Variants in BTLA observed in about 807,000 individuals in gnomAD.
BTLA encodes B and T lymphocyte associated.
In BTLA, 11 loss-of-function variants were observed where a neutral mutation model predicts 25.0. That is an observed-to-expected ratio of 0.44 (90% CI 0.28 to 0.73). The LOEUF is 0.73. Among genes scored for constraint, BTLA ranks in the 30% least tolerant of loss-of-function variants. The pLI is 0.15. For missense variants in BTLA, 282 were observed against 332.8 expected (o/e 0.85, Z 1.19); for synonymous variants, 104 against 119.8 (o/e 0.87, Z 0.86).
At chr3:112,493,645 G>C (rs780408885) in intron 1 of BTLA, among the ~76,000 whole-genome samples, 7 of 152,144 alleles carry the variant, frequency 4.6e-5, no homozygotes, top group Non-Finnish European at 8.8e-5. Context: ...GGTCTTACAG[G>C]CGTGTCCCAC....
chr3:112,479,313 C>T, intron 2 of BTLA, 142 bp downstream of exon 2: 1 of 752,686 alleles, frequency 1.3e-6, no homozygotes, highest in Admixed American at 2.7e-5. Flanking sequence ...CACACTGGCA[C>T]ATAACAATCT....
At position 112,490,604 on chromosome 3, in the gene BTLA, AACACAC is replaced by A. The variant is rs55894234; in HGVS notation, c.88+8661_88+8666del. Among the ~76,000 whole-genome samples the A allele has an allele frequency of 1.2e-3, 172 of 142,222 alleles. 2 individuals carry two copies. Among genetic ancestry groups the A allele is most frequent in the Middle Eastern group, 7.1e-3 (2 of 280 alleles). 93.3% of individuals were successfully genotyped at this position (142,222 alleles called of 152,430 possible). A position where few individuals can be genotyped will look rare whatever the true frequency, so the allele number is the denominator to read the frequency against. On this transcript the variant is annotated intron_variant, in intron 1 of 4. Coordinates refer to ENST00000334529, the MANE Select transcript of BTLA (RefSeq NM_181780.4). Reference sequence around the variant, plus strand: ...AGAAGAGCCATTTTCTCCCTGGGTAAACACACACACACACACACACACACACACACA... The same window carrying A: ...AGAAGAGCCATTTTCTCCCTGGGTAAACACACACACACACACACACACACA...
At chr3:112,467,124 A>AT (rs925993857) in intron 4 of BTLA, among the ~76,000 whole-genome samples, 36 of 151,064 alleles carry the variant, frequency 2.4e-4, no homozygotes, top group Non-Finnish European at 3.5e-4. Context: ...CGCCCGGCTA[A>AT]TTTTTTTTTG....
At chr3:112,494,458 T>A (rs1315150262) in intron 1 of BTLA, among the ~76,000 whole-genome samples, 3 of 152,210 alleles carry the variant, frequency 2.0e-5, no homozygotes, top group African/African-American at 7.2e-5. Context: ...TGCACACGTA[T>A]GTTTATTGCA....
intron 1 of BTLA, among the ~76,000 whole-genome samples, chr3:112,481,939 C>T (rs1322042594): frequency 6.6e-6 from 1 of 152,152 alleles, no homozygotes; most frequent in Non-Finnish European, 1.5e-5. Flanking sequence ...TGAATTATTG[C>T]TCTTAATTTC....
intron 3 of BTLA, 173 bp from the exon 4 acceptor site, chr3:112,469,977 C>T (rs947152330): frequency 3.7e-6 from 2 of 536,194 alleles, no homozygotes; most frequent in South Asian, 2.2e-5. Context: ...CTGACCAGCT[C>T]TCTCTCTGGT....
At chr3:112,475,506 C>T (rs1054957369) in intron 2 of BTLA, among the ~76,000 whole-genome samples, 1 of 152,198 alleles carries the variant, frequency 6.6e-6, no homozygotes, top group African/African-American at 2.4e-5. Flanking sequence ...AACTTGATCC[C>T]TAGAACAGGC....
Position 112,464,331 on chromosome 3 carries a change from C to T in BTLA, c.*1777G>A. ...TAAGTTTGAGAGAATCATGAAGGAA[C>T]TGTTCAATTTCGTGTGTTCATCTGA... On this transcript the variant is annotated 3_prime_UTR_variant, in exon 5 of 5. Transcript: ENST00000334529. 2.6e-6 allele frequency: 1 copy of T among 389,722 alleles called. No homozygotes were observed. Among genetic ancestry groups the T allele is most frequent in the East Asian group, 3.6e-5 (1 of 27,642 alleles). The allele number at this position is 389,722 out of a possible 1,614,324, so 24.1% of individuals were successfully genotyped here.
In BTLA at chr3:112,484,644, G is replaced by A. The variant is rs2705568; in HGVS notation, c.89-4875C>T. ...TTTAGCCATAGGGCTATCACTTGAT[G>A]TTAGTGGCACAATTAGACATCACTT... On this transcript the variant is annotated intron_variant, in intron 1 of 4. Transcript: ENST00000334529. 7.6e-3 allele frequency among the ~76,000 whole-genome samples: 1,156 copies of A among 152,308 alleles called. 12 individuals are homozygous for A. Among genetic ancestry groups the A allele is most frequent in the African/African-American group, 0.026 (1,078 of 41,546 alleles).
At chr3:112,487,908 AG>A (rs1266575529) in intron 1 of BTLA, among the ~76,000 whole-genome samples, 2 of 152,222 alleles carry the variant, frequency 1.3e-5, no homozygotes, top group Non-Finnish European at 2.9e-5. Flanking sequence ...GCCAACCCCC[AG>A]GCAAATTTGG....
intron 1 of BTLA, among the ~76,000 whole-genome samples, chr3:112,481,658 G>A (rs550166149): frequency 6.6e-6 from 1 of 152,310 alleles, no homozygotes; most frequent in South Asian, 2.1e-4. Flanking sequence ...TCAACTTCTT[G>A]AATAGTACTT....
At position 112,496,396 on chromosome 3, in the gene BTLA, T is replaced by G. The variant is rs184817358; in HGVS notation, c.88+2875A>C. ...CATACTTTTGTAATAAAGAAGGACC[T>G]TAAACAGGAAGTTTGTAGAGAACAT... On this transcript the variant is annotated intron_variant, in intron 1 of 4. Coordinates refer to ENST00000334529, the MANE Select transcript of BTLA (RefSeq NM_181780.4). Among the ~76,000 whole-genome samples, 676 of 152,298 alleles carry G rather than the reference T, an allele frequency of 4.4e-3. 12 individuals carry two copies. The highest frequency in any genetic ancestry group is 3.4e-3 in the Middle Eastern group (1 of 294).
At chr3:112,469,874 C>T in intron 3 of BTLA, 70 bp from the exon 4 acceptor site, 1 of 1,266,650 alleles carries the variant, frequency 7.9e-7, no homozygotes, top group Non-Finnish European at 1.1e-6. Flanking sequence ...CCTTGCCACC[C>T]ATGCTTATCC....
chr3:112,483,370 A>G (rs1432157949), intron 1 of BTLA, among the ~76,000 whole-genome samples: 1 of 150,550 alleles, frequency 6.6e-6, no homozygotes. Flanking sequence ...CTGGTCTTGA[A>G]CTCCCAACCT....
At chr3:112,483,448 A>G (rs2082329290) in intron 1 of BTLA, among the ~76,000 whole-genome samples, 1 of 151,612 alleles carries the variant, frequency 6.6e-6, no homozygotes, top group African/African-American at 2.4e-5. Context: ...ACACCTGGCC[A>G]GAATCAATTT....
At position 112,464,327 on chromosome 3, in the gene BTLA, G is replaced by A. The variant is rs2082213335; in HGVS notation, c.*1781C>T. 4 of 390,156 alleles carry A rather than the reference G, an allele frequency of 1.0e-5. No individual in the cohort carries two copies. The highest frequency in any genetic ancestry group is 2.1e-5 in the African/African-American group (1 of 48,568). The allele number at this position is 390,156 out of a possible 1,614,324, so 24.2% of individuals were successfully genotyped here. On this transcript the variant is annotated 3_prime_UTR_variant, in exon 5 of 5. Coordinates refer to ENST00000334529, the MANE Select transcript of BTLA (RefSeq NM_181780.4). ...CTTTTAAGTTTGAGAGAATCATGAA[G>A]GAACTGTTCAATTTCGTGTGTTCAT... is the stretch of plus-strand genomic sequence containing the variant.
At chr3:112,467,425 T>G (rs2082236321) in intron 4 of BTLA, among the ~76,000 whole-genome samples, 1 of 152,198 alleles carries the variant, frequency 6.6e-6, no homozygotes, top group Admixed American at 6.5e-5. Flanking sequence ...AGAAGATGTG[T>G]TCATTCTAGG....
intron 2 of BTLA, among the ~76,000 whole-genome samples, chr3:112,475,072 T>C (rs1341141521): frequency 6.6e-6 from 1 of 152,200 alleles, no homozygotes; most frequent in Non-Finnish European, 1.5e-5. Flanking sequence ...AATCATAGAA[T>C]TAATTGGAAT....
Position 112,479,471 on chromosome 3 carries a change from T to G in BTLA, c.387A>C (p.Thr129=). Residue 129 remains threonine (T), a synonymous_variant, in exon 2 of 5, where the codon ACA becomes ACC. Coordinates refer to ENST00000334529, the MANE Select transcript of BTLA (RefSeq NM_181780.4). ...FQSNLIESHS[T]TLYVTDVKSA... ...AGAACTCACCTGTCACATAAAGAGT[T>G]GTTGAGTGGCTTTCAATGAGATTAG... The G allele has an allele frequency of 1.9e-6, 3 of 1,612,026 alleles. No homozygotes were observed. The highest frequency in any genetic ancestry group is 2.5e-6 in the Non-Finnish European group (3 of 1,178,508).
Sources: allele counts gnomAD v4.1 joint callset (sites outside exome capture counted in the v4.1 genomes callset), GRCh38; gene constraint gnomAD v4.1.1; transcripts MANE v1.5; gene names NCBI Gene and HGNC (gene_info 2026-07-23, HGNC 2026-07-21).